Variants in MPDZ observed in about 807,000 individuals in gnomAD.
MPDZ encodes multiple PDZ domain protein.
MPDZ carries 234 observed loss-of-function variants against 239.1 expected under a neutral mutation model. That is an observed-to-expected ratio of 0.98 (90% confidence interval 0.88 to 1.09). The LOEUF (loss-of-function observed/expected upper bound fraction) is 1.09, where lower values mean the gene tolerates loss of function less well. MPDZ is among the 50% of genes least tolerant of loss of function. MPDZ has a pLI of 0.00. For missense variants in MPDZ, 3,175 were observed against 2,510.0 expected, an observed-to-expected ratio of 1.26 and a Z score of -5.66; for synonymous variants, 1,048 against 881.3, an observed-to-expected ratio of 1.19 and a Z score of -3.35.
In MPDZ at chr9:13,247,687, A is replaced by G; in HGVS notation, c.131T>C (p.Leu44Pro). ...CTGAAGGCTCAGAATCTGACTGAAGAGAGGGCTCTGCAGGACTGACTTCAG... is the reference window on the plus strand; with the variant it reads ...CTGAAGGCTCAGAATCTGACTGAAGGGAGGGCTCTGCAGGACTGACTTCAG... ...SLLKSVLQSP[L>P]FSQILSLQTS... The change falls in exon 3 of 47, where the codon CTC becomes CCC. Residue 44 changes from leucine (L) to proline (P), a missense_variant. Coordinates refer to ENST00000319217, the MANE Select transcript of MPDZ (RefSeq NM_001378778.1). 1.9e-6 allele frequency: 3 copies of G among 1,613,600 alleles called. No homozygotes were observed. The highest frequency in any genetic ancestry group is 2.5e-6 in the Non-Finnish European group (3 of 1,179,642).
intron 39 of MPDZ, among the ~76,000 whole-genome samples, chr9:13,115,836 T>G (rs954382056): frequency 5.3e-5 from 8 of 150,264 alleles, no homozygotes; most frequent in Non-Finnish European, 1.0e-4. Flanking sequence ...TCCCAGCTAC[T>G]CAGGAGGCTG....
chr9:13,117,008 GTGC>G (rs1280667807), intron 39 of MPDZ, among the ~76,000 whole-genome samples: 1 of 152,044 alleles, frequency 6.6e-6, no homozygotes, highest in Non-Finnish European at 1.5e-5. Context: ...ACTATGGATA[GTGC>G]TGAACTCTAT....
chr9:13,205,838 A>T, intron 11 of MPDZ, 78 bp downstream of exon 11: 1 of 1,277,914 alleles, frequency 7.8e-7, no homozygotes, highest in Non-Finnish European at 1.1e-6. Context: ...ATTCTGAAAT[A>T]GTAAGTTACT....
At chr9:13,260,514 G>A (rs1055344227) in intron 1 of MPDZ, among the ~76,000 whole-genome samples, 3 of 152,116 alleles carry the variant, frequency 2.0e-5, no homozygotes, top group African/African-American at 2.4e-5. Context: ...AGTACCTTAC[G>A]ATGTTGCTAT....
chr9:13,223,830 G>C, intron 4 of MPDZ, 120 bp from the exon 5 acceptor site: 2 of 1,034,840 alleles, frequency 1.9e-6, no homozygotes, highest in Non-Finnish European at 2.7e-6. Context: ...CCAGGAGTTA[G>C]GGACCAGACT....
chr9:13,119,373 T>C (rs369004183), intron 39 of MPDZ, 129 bp downstream of exon 39: 10 of 1,135,596 alleles, frequency 8.8e-6, no homozygotes, highest in South Asian at 3.3e-5. Context: ...GCGTGAGCCA[T>C]TGCACCTGGC....
intron 1 of MPDZ, among the ~76,000 whole-genome samples, chr9:13,253,027 A>G (rs1028976863): frequency 1.3e-5 from 2 of 152,196 alleles, no homozygotes; most frequent in Non-Finnish European, 2.9e-5. Flanking sequence ...AAAAAATTCT[A>G]AAGATAGACA....
At chr9:13,168,000 A>T (rs994482733) in intron 22 of MPDZ, among the ~76,000 whole-genome samples, 7 of 152,098 alleles carry the variant, frequency 4.6e-5, no homozygotes, top group Non-Finnish European at 8.8e-5. Flanking sequence ...ACACAGGTCA[A>T]TTAGGTAGGG....
intron 15 of MPDZ, 107 bp downstream of exon 15, chr9:13,192,024 C>T (rs921877703): frequency 1.8e-5 from 18 of 986,424 alleles, no homozygotes; most frequent in Admixed American, 3.6e-5. Context: ...AAGCCATGGG[C>T]GATGTGAGTA....
chr9:13,238,495 G>C (rs948378882), intron 3 of MPDZ, among the ~76,000 whole-genome samples: 6 of 152,158 alleles, frequency 3.9e-5, no homozygotes, highest in African/African-American at 1.2e-4. Context: ...GCCTCTCTCT[G>C]GCAAGGAGCT....
chr9:13,277,202 T>C (rs1275781149), intron 1 of MPDZ, among the ~76,000 whole-genome samples: 2 of 152,064 alleles, frequency 1.3e-5, no homozygotes, highest in African/African-American at 4.8e-5. Flanking sequence ...GATCCCTCCC[T>C]TTCCAAGCCA....
At chr9:13,217,129 A>C (rs1296278709) in intron 9 of MPDZ, 51 bp downstream of exon 9, 1 of 1,161,164 alleles carries the variant, frequency 8.6e-7, no homozygotes, top group Non-Finnish European at 1.2e-6. Context: ...TAAGAGATAG[A>C]TATCAGAGGT....
At chr9:13,142,070 A>C (rs1375252514) in intron 27 of MPDZ, among the ~76,000 whole-genome samples, 2 of 152,176 alleles carry the variant, frequency 1.3e-5, no homozygotes, top group Admixed American at 6.6e-5. Flanking sequence ...GGCTAAAAAA[A>C]ATTTACTTCT....
chr9:13,149,445 T>C (rs1420575552), intron 25 of MPDZ, among the ~76,000 whole-genome samples: 8 of 152,158 alleles, frequency 5.3e-5, no homozygotes, highest in African/African-American at 1.9e-4. Flanking sequence ...TGTCTTTATT[T>C]GCAAGTTGTC....
At chr9:13,245,313 T>G (rs534318632) in intron 3 of MPDZ, among the ~76,000 whole-genome samples, 66 of 151,328 alleles carry the variant, frequency 4.4e-4, no homozygotes, top group African/African-American at 1.6e-3. Context: ...TAGTAAAGAA[T>G]GGAGATTTAA....
At chr9:13,259,645 G>T (rs1016548622) in intron 1 of MPDZ, among the ~76,000 whole-genome samples, 2 of 152,120 alleles carry the variant, frequency 1.3e-5, no homozygotes, top group South Asian at 4.1e-4. Flanking sequence ...TGGGGGAGAA[G>T]GTCTGATGAA....
At chr9:13,167,776 G>A (rs1013184057) in intron 22 of MPDZ, among the ~76,000 whole-genome samples, 1 of 152,098 alleles carries the variant, frequency 6.6e-6, no homozygotes, top group African/African-American at 2.4e-5. Flanking sequence ...CATATATGAT[G>A]TGCTTTTAGT....
chr9:13,236,810 T>C (rs1337692904), intron 3 of MPDZ, among the ~76,000 whole-genome samples: 1 of 152,170 alleles, frequency 6.6e-6, no homozygotes, highest in Admixed American at 6.5e-5. Context: ...ACCTTCTTTT[T>C]TAAAAACTTC....
chr9:13,158,171 T>G (rs972558517), intron 23 of MPDZ, 61 bp from the exon 24 acceptor site: 2 of 1,262,110 alleles, frequency 1.6e-6, no homozygotes, highest in East Asian at 2.4e-5. Flanking sequence ...CAAGATTATA[T>G]GTACTCTACT....
Sources: allele counts gnomAD v4.1 joint callset (sites outside exome capture counted in the v4.1 genomes callset), GRCh38; gene constraint gnomAD v4.1.1; transcripts MANE v1.5; gene names NCBI Gene and HGNC (gene_info 2026-07-23, HGNC 2026-07-21).